The following TRAPPC11 variants were observed in gnomAD, a reference collection of about 807,000 sequenced individuals.
The protein encoded by TRAPPC11 is foie gras homolog.
TRAPPC11 carries 104 observed loss-of-function variants against 151.2 expected under a neutral mutation model. The observed-to-expected ratio is 0.69, with a 90% CI of 0.59 to 0.81. The LOEUF (loss-of-function observed/expected upper bound fraction) is 0.81, where lower values mean the gene tolerates loss of function less well. Among genes scored for constraint, TRAPPC11 ranks in the 30% least tolerant of loss-of-function variants. The probability of loss-of-function intolerance (pLI) is 0.00; values close to 1 mark genes in which losing one functional copy is unlikely to be tolerated. For missense variants in TRAPPC11, 1,230 were observed against 1,349.6 expected (o/e 0.91, Z 1.39); for synonymous variants, 456 against 472.3 (o/e 0.97, Z 0.45).
Position 183,667,061 on chromosome 4 carries a change from CAA to C in TRAPPC11, c.378_379del (p.Ser127PhefsTer39). On this transcript the variant is annotated frameshift_variant and splice_region_variant, in exon 4 of 30. Coordinates refer to ENST00000334690, the MANE Select transcript of TRAPPC11 (RefSeq NM_021942.6). LOFTEE classifies it high-confidence loss of function. ...ECATRVEIVR[Q>X]SLQGRNTKVA... ...TTTATTCTTGCTTTTTCATTGCAGG[CAA>C]AGTTTACAAGGAAGAAACACAAAAG... 1 of 1,587,722 alleles carries C rather than the reference CAA, an allele frequency of 6.3e-7. No individual in the cohort carries two copies. Among genetic ancestry groups the C allele is most frequent in the Non-Finnish European group, 8.6e-7 (1 of 1,162,914 alleles).
At chr4:183,679,552 G>T in intron 9 of TRAPPC11, 66 bp downstream of exon 9, 1 of 1,397,536 alleles carries the variant, frequency 7.2e-7, no homozygotes. Context: ...GAAATAGCAT[G>T]GACTTTGGTT....
In TRAPPC11 at chr4:183,684,210, G is replaced by A. The variant is rs1735847642; in HGVS notation, c.1353G>A (p.Met451Ile). The change falls in exon 13 of 30, where the codon ATG becomes ATA. Residue 451 changes from methionine (M) to isoleucine (I), a missense_variant. Coordinates refer to ENST00000334690, the MANE Select transcript of TRAPPC11 (RefSeq NM_021942.6). ...TCAAGAAGTATAAGTGCCCGCGAAT[G>A]AAAAGTCACCTAAGTATGTATCCAC... Reference protein sequence around the residue: ...AQFKKYKCPRMKSHLMVQMGE... With the variant: ...AQFKKYKCPRIKSHLMVQMGE... 1 of 1,613,994 alleles carries A rather than the reference G, an allele frequency of 6.2e-7. No homozygotes were observed. Among genetic ancestry groups the A allele is most frequent in the Non-Finnish European group, 8.5e-7 (1 of 1,179,932 alleles).
Position 183,701,750 on chromosome 4 carries a change from T to G in TRAPPC11, c.2905T>G (p.Ser969Ala). Residue 969 changes from serine to alanine, a missense_variant, in exon 26 of 30, where the codon TCT (serine) becomes GCT (alanine). Transcript: ENST00000334690. ...ASECFCLQCP[S>A]LGNIEGGVAT... is the part of the protein sequence containing the mutation. ...TGAATGCTTTTGTCTTCAATGCCCATCTCTTGGAAATATTGAAGGTGGAGT... is the reference window on the plus strand; with the variant it reads ...TGAATGCTTTTGTCTTCAATGCCCAGCTCTTGGAAATATTGAAGGTGGAGT... 1 of 1,614,032 alleles carries G rather than the reference T, an allele frequency of 6.2e-7. No homozygotes were observed. Among genetic ancestry groups the G allele is most frequent in the South Asian group, 1.1e-5 (1 of 91,088 alleles).
chr4:183,683,306 A>G (rs1735791309), intron 11 of TRAPPC11, among the ~76,000 whole-genome samples: 1 of 152,216 alleles, frequency 6.6e-6, no homozygotes, highest in Non-Finnish European at 1.5e-5. Flanking sequence ...CTTAAAAACA[A>G]TTTCTCTGCA....
intron 12 of TRAPPC11, 39 bp downstream of exon 12, chr4:183,684,093 T>C (rs1327057695): frequency 5.6e-6 from 9 of 1,606,596 alleles, no homozygotes; most frequent in Middle Eastern, 1.7e-4. Context: ...TTTTACACTA[T>C]TTAAGAAAAA....
At chr4:183,704,705 CG>C (rs1178424565) in intron 26 of TRAPPC11, among the ~76,000 whole-genome samples, 1 of 151,592 alleles carries the variant, frequency 6.6e-6, no homozygotes, top group Non-Finnish European at 1.5e-5. Context: ...TCCAGCTACT[CG>C]GGAGGCTGAG....
Position 183,711,692 on chromosome 4 carries a change from G to A in TRAPPC11, c.3358-908G>A, listed in dbSNP as rs561456079. On this transcript the variant is annotated intron_variant, in intron 29 of 29. Coordinates refer to ENST00000334690, the MANE Select transcript of TRAPPC11 (RefSeq NM_021942.6). ...CAACCACAGCAGCAGCAAACTGAAA[G>A]CAGGAGTGCTGTCTTCACTGCCTCG... Among the ~76,000 whole-genome samples, 5 of 101,194 alleles carry A rather than the reference G, an allele frequency of 4.9e-5. No homozygotes were observed. The East Asian group carries it at 1.2e-3, about 25-fold the overall frequency. The allele number at this position is 101,194 out of a possible 152,430, so 66.4% of individuals were successfully genotyped here. A position where few individuals can be genotyped will look rare whatever the true frequency, so the allele number is the denominator to read the frequency against.
At chr4:183,664,454 C>A (rs1016023754) in intron 2 of TRAPPC11, among the ~76,000 whole-genome samples, 2 of 152,060 alleles carry the variant, frequency 1.3e-5, no homozygotes, top group African/African-American at 4.8e-5. Context: ...TGAGCACTTG[C>A]TTTGTGATAG....
At chr4:183,675,064 A>G in intron 6 of TRAPPC11, 100 bp from the exon 7 acceptor site, 1 of 658,224 alleles carries the variant, frequency 1.5e-6, no homozygotes, top group Non-Finnish European at 2.3e-6. Context: ...TCAGTTTTGA[A>G]TATTTTTCTT....
At chr4:183,702,822 A>G (rs1174500865) in intron 26 of TRAPPC11, among the ~76,000 whole-genome samples, 1 of 152,164 alleles carries the variant, frequency 6.6e-6, no homozygotes, top group Non-Finnish European at 1.5e-5. Flanking sequence ...ATTTTAAAAC[A>G]GGGAATAAAA....
Position 183,663,871 on chromosome 4 carries a change from A to AG in TRAPPC11, c.5dup (p.Ser2ArgfsTer29). 6.2e-7 allele frequency: 1 copy of AG among 1,613,340 alleles called. No homozygotes were observed. The highest frequency in any genetic ancestry group is 8.5e-7 in the Non-Finnish European group (1 of 1,179,540). On this transcript the variant is annotated frameshift_variant, in exon 2 of 30. Transcript: ENST00000334690. LOFTEE classifies it high-confidence loss of function. Reference sequence around the variant, plus strand: ...GGTTTTTTGTGACATCGTAAACATGAGCCCCACACAGTGGGACTTCCCTGT... The same window carrying AG: ...GGTTTTTTGTGACATCGTAAACATGAGGCCCCACACAGTGGGACTTCCCTGT...
Position 183,706,959 on chromosome 4 carries a change from G to A in TRAPPC11, c.3189+19G>A. 1 of 1,610,894 alleles carries A rather than the reference G, an allele frequency of 6.2e-7. No homozygotes were observed. Among genetic ancestry groups the A allele is most frequent in the South Asian group, 1.1e-5 (1 of 90,484 alleles). ...CAAACAGGTACAGGTCATATCTTGT[G>A]ATGCTTATGTTGACACAAAAGTGTG... On this transcript the variant is annotated intron_variant, in intron 28 of 29. Coordinates refer to ENST00000334690, the MANE Select transcript of TRAPPC11 (RefSeq NM_021942.6).
intron 18 of TRAPPC11, 32 bp downstream of exon 18, chr4:183,686,780 G>A (rs763878229): frequency 3.2e-5 from 52 of 1,609,138 alleles, no homozygotes; most frequent in African/African-American, 9.4e-5. Flanking sequence ...TTTTTACCAC[G>A]TTTATCTTAT....
chr4:183,665,284 C>CAGT (rs2111296985), intron 2 of TRAPPC11, among the ~76,000 whole-genome samples: 2 of 151,814 alleles, frequency 1.3e-5, no homozygotes, highest in South Asian at 2.1e-4. Flanking sequence ...TTAGTAGAGA[C>CAGT]GGGGTTTCAC....
chr4:183,680,188 A>G lies in TRAPPC11; in HGVS notation c.1034A>G (p.Asn345Ser). ...GGGTTAACAGCTATTCAAACTCAGA[A>G]TCCTGGTTTCTATTACCAGCAGGCA... The part of the protein sequence containing the change: ...KLGLTAIQTQ[N>S]PGFYYQQAAY... Residue 345 changes from asparagine (N) to serine (S), a missense_variant, in exon 10 of 30, where the codon AAT becomes AGT. Physicochemically the swap from Asn to Ser is conservative, Grantham distance 46. Coordinates refer to ENST00000334690, the MANE Select transcript of TRAPPC11 (RefSeq NM_021942.6). 1 of 1,614,060 alleles carries G rather than the reference A, an allele frequency of 6.2e-7. No homozygotes were observed. Among genetic ancestry groups the G allele is most frequent in the East Asian group, 2.2e-5 (1 of 44,852 alleles).
intron 2 of TRAPPC11, among the ~76,000 whole-genome samples, chr4:183,665,261 A>G (rs1734808415): frequency 6.6e-6 from 1 of 151,400 alleles, no homozygotes; most frequent in Non-Finnish European, 1.5e-5. Context: ...CGTCCAGCTA[A>G]TTTTCTGTAT....
At chr4:183,672,358 T>G (rs1426877129) in intron 5 of TRAPPC11, among the ~76,000 whole-genome samples, 1 of 152,130 alleles carries the variant, frequency 6.6e-6, no homozygotes, top group Non-Finnish European at 1.5e-5. Flanking sequence ...TTTTTTTTTA[T>G]TGTAGAACAA....
intron 25 of TRAPPC11, among the ~76,000 whole-genome samples, chr4:183,698,490 A>G (rs2111080706): frequency 1.3e-5 from 2 of 152,202 alleles, no homozygotes; most frequent in Middle Eastern, 3.4e-3. Flanking sequence ...AATGAGCTTT[A>G]GGGTCAGACT....
At chr4:183,710,114 T>C (rs1032490383) in intron 29 of TRAPPC11, among the ~76,000 whole-genome samples, 1 of 152,218 alleles carries the variant, frequency 6.6e-6, no homozygotes, top group Non-Finnish European at 1.5e-5. Context: ...GAGTAACTAA[T>C]ACTGAAAAGG....
Sources: allele counts gnomAD v4.1 joint callset (sites outside exome capture counted in the v4.1 genomes callset), GRCh38; gene constraint gnomAD v4.1.1; transcripts MANE v1.5; gene names NCBI Gene and HGNC (gene_info 2026-07-23, HGNC 2026-07-21).